The following TOX variants were observed in gnomAD, a reference collection of about 807,000 sequenced individuals.
TOX encodes thymocyte selection associated high mobility group box, also known as thymocyte selection-associated high mobility group box protein TOX.
In TOX, 11 loss-of-function variants were observed where a neutral mutation model predicts 53.7. The ratio of observed to expected loss-of-function variants is 0.20; its 90% CI spans 0.13 to 0.34. The LOEUF is 0.34. Among genes scored for constraint, TOX ranks in the 10% least tolerant of loss-of-function variants. The pLI is 1.00. For synonymous variants in TOX, 225 were observed against 245.3 expected, an observed-to-expected ratio of 0.92 and a Z score of 0.77; for missense variants, 570 against 664.6, an observed-to-expected ratio of 0.86 and a Z score of 1.56.
At chr8:58,977,996 G>C (rs2129416610) in intron 1 of TOX, among the ~76,000 whole-genome samples, 1 of 152,294 alleles carries the variant, frequency 6.6e-6, no homozygotes, top group South Asian at 2.1e-4. Flanking sequence ...TGCTTAATGT[G>C]GGGTAGCCAC....
intron 1 of TOX, among the ~76,000 whole-genome samples, chr8:59,018,157 C>G (rs557111708): frequency 2.0e-5 from 3 of 152,078 alleles, no homozygotes; most frequent in Non-Finnish European, 4.4e-5. Flanking sequence ...TATTTTCAGC[C>G]ATTGAAATGG....
intron 2 of TOX, among the ~76,000 whole-genome samples, chr8:58,948,126 A>G (rs1349469156): frequency 6.6e-6 from 1 of 152,184 alleles, no homozygotes; most frequent in Admixed American, 6.5e-5. Context: ...AATGTCTGAC[A>G]CTGGCTCTTC....
At chr8:59,083,185 A>G (rs1476478918) in intron 1 of TOX, among the ~76,000 whole-genome samples, 2 of 152,240 alleles carry the variant, frequency 1.3e-5, no homozygotes, top group African/African-American at 4.8e-5. Context: ...GAAAAAAGAG[A>G]AAGTGGAAGG....
intron 1 of TOX, among the ~76,000 whole-genome samples, chr8:59,074,276 A>G (rs1217244512): frequency 6.6e-6 from 1 of 152,212 alleles, no homozygotes; most frequent in Non-Finnish European, 1.5e-5. Flanking sequence ...TATCTAGTAA[A>G]TGTAATTCCT....
chr8:58,847,738 A>G (rs1469871789), intron 4 of TOX, among the ~76,000 whole-genome samples: 4 of 152,132 alleles, frequency 2.6e-5, no homozygotes, highest in African/African-American at 4.8e-5. Flanking sequence ...ACAAGAGAAG[A>G]TCTCAAAAGC....
intron 1 of TOX, among the ~76,000 whole-genome samples, chr8:59,113,291 T>A (rs776235077): frequency 1.2e-4 from 19 of 152,086 alleles, no homozygotes; most frequent in Non-Finnish European, 2.8e-4. Context: ...CATAAAATGG[T>A]AGGGGGTGTG....
intron 1 of TOX, among the ~76,000 whole-genome samples, chr8:59,009,273 T>C (rs1431909919): frequency 6.6e-6 from 1 of 151,738 alleles, no homozygotes; most frequent in Non-Finnish European, 1.5e-5. Flanking sequence ...TCATCTTCCA[T>C]TGTATGCCCT....
intron 1 of TOX, among the ~76,000 whole-genome samples, chr8:59,049,481 G>C (rs1803751338): frequency 6.6e-6 from 1 of 152,124 alleles, no homozygotes; most frequent in Non-Finnish European, 1.5e-5. Flanking sequence ...AAACCAATGT[G>C]TTAATGATCA....
chr8:58,825,892 A>C (rs1325572015), intron 6 of TOX, among the ~76,000 whole-genome samples: 1 of 152,218 alleles, frequency 6.6e-6, no homozygotes, highest in East Asian at 1.9e-4. Context: ...TAGAAATTTT[A>C]AGGTAAATTA....
chr8:58,813,505 TCATA>T (rs1810120349), intron 7 of TOX, among the ~76,000 whole-genome samples: 1 of 152,206 alleles, frequency 6.6e-6, no homozygotes, highest in Non-Finnish European at 1.5e-5. Context: ...CATTAATTCT[TCATA>T]CAAACACTAC....
intron 1 of TOX, among the ~76,000 whole-genome samples, chr8:59,040,793 C>A (rs1803568155): frequency 6.6e-6 from 1 of 152,228 alleles, no homozygotes; most frequent in African/African-American, 2.4e-5. Flanking sequence ...GCCTTAGGAG[C>A]TGGTGCTGCC....
chr8:59,079,908 C>T (rs1004612717), intron 1 of TOX, among the ~76,000 whole-genome samples: 4 of 152,264 alleles, frequency 2.6e-5, no homozygotes, highest in Middle Eastern at 3.4e-3. Context: ...AGTGGAGCTG[C>T]CCAAGGCCTT....
At chr8:58,967,395 T>C (rs954427754) in intron 1 of TOX, among the ~76,000 whole-genome samples, 1 of 152,304 alleles carries the variant, frequency 6.6e-6, no homozygotes, top group Middle Eastern at 3.4e-3. Context: ...TTGTCTGTGA[T>C]GGATCCAGTT....
rs1803713789 is a variant in TOX at position 59,047,598 on chromosome 8, T to G, written c.102+71288A>C. Among the ~76,000 whole-genome samples the G allele has an allele frequency of 3.3e-5, 5 of 151,528 alleles. No individual in the cohort carries two copies. The South Asian group carries it at 1.0e-3, about 32-fold the overall frequency. On this transcript the variant is annotated intron_variant, in intron 1 of 8. Transcript: ENST00000361421. ...TTTTCCTAGAGACGGGGTTCCACTA[T>G]GTTGTCCCGGCTGGAGTTCAGTAGC...
rs530993371 is a variant in TOX, at chr8:59,039,984, G to T, written c.102+78902C>A. Among the ~76,000 whole-genome samples the T allele has an allele frequency of 2.6e-4, 39 of 152,252 alleles. No homozygotes were observed. In the South Asian group the frequency reaches 8.1e-3, roughly 32 times the overall value. On this transcript the variant is annotated intron_variant, in intron 1 of 8. Transcript: ENST00000361421. ...TAATTCCAATGTTCCTTGCTTAACA[G>T]AAATTCACGGAGAATTTCAAATGTG...
intron 1 of TOX, among the ~76,000 whole-genome samples, chr8:58,962,708 A>C (rs546848343): frequency 5.3e-5 from 8 of 152,318 alleles, no homozygotes; most frequent in African/African-American, 1.9e-4. Context: ...TGGGAGGCTA[A>C]GGTGGGAGGA....
chr8:59,063,225 T>C (rs1036878182), intron 1 of TOX, among the ~76,000 whole-genome samples: 2 of 152,182 alleles, frequency 1.3e-5, no homozygotes, highest in Non-Finnish European at 2.9e-5. Context: ...ACTGTGCATA[T>C]GGGCTAATTC....
chr8:58,854,780 G>A (rs1403670270), intron 3 of TOX, among the ~76,000 whole-genome samples: 1 of 152,080 alleles, frequency 6.6e-6, no homozygotes, highest in African/African-American at 2.4e-5. Context: ...CAAACAGTGG[G>A]ATCTACCCAT....
intron 1 of TOX, among the ~76,000 whole-genome samples, chr8:59,049,789 TCA>T (rs1434800297): frequency 6.6e-6 from 1 of 152,214 alleles, no homozygotes; most frequent in African/African-American, 2.4e-5. Flanking sequence ...CTTCTATGGA[TCA>T]CAGAGTGCTT....
Sources: allele counts gnomAD v4.1 joint callset (sites outside exome capture counted in the v4.1 genomes callset), GRCh38; gene constraint gnomAD v4.1.1; transcripts MANE v1.5; gene names NCBI Gene and HGNC (gene_info 2026-07-23, HGNC 2026-07-21).